Variants in FSTL4 observed in about 807,000 individuals in gnomAD.
FSTL4 encodes follistatin like 4.
A neutral mutation model predicts 78.2 loss-of-function variants in FSTL4; 28 were observed. That is an observed-to-expected ratio of 0.36 (90% CI 0.27 to 0.49). The LOEUF is 0.49. Ranked by LOEUF, FSTL4 falls within the 20% of genes least tolerant of loss-of-function variation. The pLI, the probability that FSTL4 is intolerant of heterozygous loss-of-function variation, is 0.98. For synonymous variants in FSTL4, 422 were observed against 440.5 expected (o/e 0.96, Z 0.53); for missense variants, 922 against 1,084.9 (o/e 0.85, Z 2.11).
intron 3 of FSTL4, among the ~76,000 whole-genome samples, chr5:133,454,397 G>T (rs1263659302): frequency 6.6e-6 from 1 of 152,178 alleles, no homozygotes; most frequent in African/African-American, 2.4e-5. Context: ...TCAGCTGGAA[G>T]GGTGCTGGAT....
the FSTL4 span, among the ~76,000 whole-genome samples, chr5:133,657,512 G>A: frequency 2.0e-5 from 3 of 152,046 alleles, no homozygotes; most frequent in East Asian, 1.9e-4. Context: ...TTCATGAAGG[G>A]CTCTTCTCTA....
the FSTL4 span, among the ~76,000 whole-genome samples, chr5:133,727,537 T>G: frequency 6.6e-6 from 1 of 152,120 alleles, no homozygotes; most frequent in Non-Finnish European, 1.5e-5. Context: ...TGATCAATAA[T>G]TTCTCCAAGA....
intron 4 of FSTL4, among the ~76,000 whole-genome samples, chr5:133,368,948 C>T (rs548036068): frequency 5.9e-5 from 9 of 152,322 alleles, no homozygotes; most frequent in Admixed American, 2.0e-4. Flanking sequence ...CTGGCTTTTT[C>T]TGCATAAAGG....
chr5:133,216,790 G>A (rs561887454), intron 13 of FSTL4, among the ~76,000 whole-genome samples: 25 of 152,164 alleles, frequency 1.6e-4, no homozygotes, highest in Non-Finnish European at 2.9e-4. Context: ...ACTGGCCTCC[G>A]AGGCCCTGTG....
the FSTL4 span, among the ~76,000 whole-genome samples, chr5:133,643,179 TGTAA>T: frequency 6.6e-6 from 1 of 152,156 alleles, no homozygotes; most frequent in African/African-American, 2.4e-5. Context: ...TATATGTATA[TGTAA>T]GTATTTTATA....
chr5:133,753,850 C>T, the FSTL4 span, among the ~76,000 whole-genome samples: 3 of 152,098 alleles, frequency 2.0e-5, no homozygotes, highest in Non-Finnish European at 2.9e-5. Context: ...TAGTGCAGCC[C>T]AGTGTTTAAA....
chr5:133,432,762 G>C (rs1050126856), intron 3 of FSTL4, among the ~76,000 whole-genome samples: 2 of 152,158 alleles, frequency 1.3e-5, no homozygotes, highest in Non-Finnish European at 2.9e-5. Flanking sequence ...TGGCTGGCGA[G>C]GCCCACTCAC....
chr5:133,400,969 C>T lies in FSTL4; in HGVS notation c.178G>A (p.Glu60Lys), dbSNP rs780854028. ...TRREGLSSHN[E>K]LLASCGKKFC... ...TTCTTCCCGCAGGAGGCCAGCAGCT[C>T]GTTGTGGCTGGAAAGCCCTGCCAGA... The change falls in exon 4 of 16, where the codon GAG (glutamate) becomes AAG (lysine). Residue 60 changes from glutamate (E) to lysine (K), a missense_variant. Physicochemically the swap from Glu to Lys is moderately conservative, Grantham distance 56. Transcript: ENST00000265342. 1.3e-5 allele frequency: 21 copies of T among 1,613,040 alleles called. No individual in the cohort carries two copies. The highest frequency in any genetic ancestry group is 6.7e-5 in the African/African-American group (5 of 74,940).
chr5:133,710,661 C>A, the FSTL4 span, among the ~76,000 whole-genome samples: 1 of 152,212 alleles, frequency 6.6e-6, no homozygotes, highest in Admixed American at 6.5e-5. Flanking sequence ...AGAGGTACCC[C>A]TAGAGCTGGT....
At chr5:133,228,755 C>G (rs1486097955) in intron 8 of FSTL4, among the ~76,000 whole-genome samples, 2 of 151,466 alleles carry the variant, frequency 1.3e-5, no homozygotes, top group African/African-American at 4.9e-5. Context: ...TTTCTTCGTG[C>G]AATGCAGAAT....
At chr5:133,273,826 G>A (rs1399229585) in intron 6 of FSTL4, among the ~76,000 whole-genome samples, 5 of 152,114 alleles carry the variant, frequency 3.3e-5, no homozygotes, top group Non-Finnish European at 7.4e-5. Context: ...GTCCATATCC[G>A]CCTCTCACTC....
intron 6 of FSTL4, among the ~76,000 whole-genome samples, chr5:133,270,481 AAAC>A (rs1400348901): frequency 6.6e-6 from 1 of 152,222 alleles, no homozygotes; most frequent in East Asian, 1.9e-4. Flanking sequence ...TCCGTTCCTG[AAAC>A]GGCGTGGCAG....
At chr5:133,657,782 T>C in the FSTL4 span, among the ~76,000 whole-genome samples, 1 of 151,146 alleles carries the variant, frequency 6.6e-6, no homozygotes, top group South Asian at 2.1e-4. Flanking sequence ...TTTGTTTTTT[T>C]TTTTTTTTAC....
rs2112987075 is a variant in FSTL4, at chr5:133,611,007, G to A, written c.-11+1318C>T. Among the ~76,000 whole-genome samples, 1 of 152,198 alleles carries A rather than the reference G, an allele frequency of 6.6e-6. No individual in the cohort carries two copies. The highest frequency in any genetic ancestry group is 2.1e-4 in the South Asian group (1 of 4,792). ...GGGGGCCCCATCTAGTACAATTCCT[G>A]GTGCACAGGCTTGCAACAAATTTAC... On this transcript the variant is annotated intron_variant, in intron 1 of 15. Transcript: ENST00000265342. The surrounding 1 kb of genome is among the most constrained non-coding windows in gnomAD (Gnocchi z 4.9).
intron 4 of FSTL4, among the ~76,000 whole-genome samples, chr5:133,321,905 G>A (rs998177999): frequency 6.6e-6 from 1 of 152,254 alleles, no homozygotes; most frequent in East Asian, 1.9e-4. Context: ...GGGCAGGACC[G>A]CCGTGATTTG....
the FSTL4 span, among the ~76,000 whole-genome samples, chr5:133,718,679 TATTA>T: frequency 1.3e-5 from 2 of 152,252 alleles, no homozygotes; most frequent in Non-Finnish European, 2.9e-5. Context: ...ACATCATTTT[TATTA>T]ATTGTCTTCA....
intron 13 of FSTL4, among the ~76,000 whole-genome samples, chr5:133,213,147 C>T (rs1750794668): frequency 6.6e-6 from 1 of 151,726 alleles, no homozygotes; most frequent in Non-Finnish European, 1.5e-5. Flanking sequence ...GGATTATAGG[C>T]CTGCACCACC....
At chr5:133,568,608 C>G (rs1760081138) in intron 2 of FSTL4, among the ~76,000 whole-genome samples, 1 of 152,172 alleles carries the variant, frequency 6.6e-6, no homozygotes, top group South Asian at 2.1e-4. Flanking sequence ...AACTCTGGTT[C>G]CTGAAGGAGT....
At chr5:133,301,615 C>T (rs1214954018) in intron 6 of FSTL4, among the ~76,000 whole-genome samples, 3 of 152,166 alleles carry the variant, frequency 2.0e-5, no homozygotes, top group African/African-American at 7.2e-5. Context: ...TCCCACCCCA[C>T]CTGGATGCGT....
Sources: gnomAD v4.1 joint callset for allele counts (sites outside exome capture counted in the v4.1 genomes callset) on GRCh38, gnomAD v4.1.1 for gene constraint, Gnocchi (gnomAD v3.1) non-coding constraint, MANE v1.5 for transcripts, NCBI Gene and HGNC (gene_info 2026-07-23, HGNC 2026-07-21) for gene names.